FBN1: variants seen among roughly 807,000 people sequenced by gnomAD.
The protein encoded by FBN1 is fibrillin 1.
Under a neutral mutation model 365.1 loss-of-function variants are expected in FBN1, and 29 were observed. The observed-to-expected ratio is 0.08, with a 90% CI of 0.06 to 0.11. The LOEUF (loss-of-function observed/expected upper bound fraction) is 0.11. Among genes scored for constraint, FBN1 ranks in the 10% least tolerant of loss-of-function variants. The pLI, the probability that FBN1 is intolerant of heterozygous loss-of-function variation, is 1.00. For synonymous variants in FBN1, 1,210 were observed against 1,270.5 expected, an observed-to-expected ratio of 0.95 and a Z score of 1.01; for missense variants, 2,476 against 3,703.2, an observed-to-expected ratio of 0.67 and a Z score of 8.60.
chr15:48,482,060 G>A (rs542231574), intron 31 of FBN1, among the ~76,000 whole-genome samples: 220 of 152,238 alleles, frequency 1.4e-3, no homozygotes, highest in African/African-American at 4.9e-3. Flanking sequence ...TTATGTGACA[G>A]TCTAGAAAAC....
intron 65 of FBN1, among the ~76,000 whole-genome samples, chr15:48,412,101 C>T (rs1357239163): frequency 6.6e-6 from 1 of 152,168 alleles, no homozygotes; most frequent in South Asian, 2.1e-4. Context: ...CTGCAGCAGC[C>T]GTAGGCAAAG....
In FBN1 at chr15:48,537,755, G is replaced by T; in HGVS notation, c.592C>A (p.Gln198Lys). Residue 198 changes from glutamine (Q) to lysine (K), a missense_variant, in exon 7 of 66, where the codon CAA becomes AAA. By Grantham distance (53) the Gln-to-Lys change is moderately conservative (BLOSUM62 1). Around this residue, in one of 5 missense-constraint regions of FBN1, gnomAD observed 421 missense variants for 520.1 expected, o/e 0.81. Transcript: ENST00000316623. ...TTTGTGCAGACAATCCCGCTGAGTT[G>T]TCCCTGGCACATCTGGTTGCTGATC... is the stretch of plus-strand genomic sequence containing the variant. Reference protein sequence around the residue: ...TVISNQMCQGQLSGIVCTKTL... With the variant: ...TVISNQMCQGKLSGIVCTKTL... The T allele has an allele frequency of 6.2e-7, 1 of 1,614,194 alleles. No homozygotes were observed. Among genetic ancestry groups the T allele is most frequent in the Non-Finnish European group, 8.5e-7 (1 of 1,180,034 alleles).
chr15:48,448,636 ATCTG>A (rs1460827909), intron 46 of FBN1, 128 bp downstream of exon 46: 5 of 783,846 alleles, frequency 6.4e-6, no homozygotes, highest in Non-Finnish European at 1.0e-5. Flanking sequence ...ACTGCTGCAT[ATCTG>A]TCTGTGTTTT....
chr15:48,456,758 A>G lies in FBN1; in HGVS notation c.5301T>C (p.Ile1767=), dbSNP rs886038796. The G allele has an allele frequency of 6.2e-7, 1 of 1,613,078 alleles. No individual in the cohort carries two copies. Among genetic ancestry groups the G allele is most frequent in the Non-Finnish European group, 8.5e-7 (1 of 1,179,504 alleles). The change falls in exon 44 of 66, where the codon ATT becomes ATC. Residue 1767 remains isoleucine (I), a synonymous_variant. Coordinates refer to ENST00000316623, the MANE Select transcript of FBN1 (RefSeq NM_000138.5). ...CCCCTGGGATCTCCCGGCACTCATC[A>G]ATATCTAGAGACAGAGTAGTCATTC... The part of the protein sequence containing the change: ...IDIYTGLPVD[I]DECREIPGVC...
chr15:48,571,017 A>G (rs1038732439), intron 6 of FBN1, among the ~76,000 whole-genome samples: 2 of 152,232 alleles, frequency 1.3e-5, no homozygotes, highest in Non-Finnish European at 2.9e-5. Flanking sequence ...AGCCCCAGAG[A>G]AAGGCCAAAG....
intron 62 of FBN1, 38 bp downstream of exon 62, chr15:48,421,520 G>A: frequency 6.2e-7 from 1 of 1,606,226 alleles, no homozygotes; most frequent in Non-Finnish European, 8.5e-7. Flanking sequence ...CCTCCACAAG[G>A]ATTCACCAGC....
chr15:48,481,037 T>C lies in FBN1; in HGVS notation c.3964+618A>G, dbSNP rs1337145044. The stretch of plus-strand genomic sequence containing the variant: ...TTCCATTTGGCATTTAATAGGATAG[T>C]CTCCTACAAATATTGTGAAAACATT... On this transcript the variant is annotated intron_variant, in intron 32 of 65. Coordinates refer to ENST00000316623, the MANE Select transcript of FBN1 (RefSeq NM_000138.5). Among the ~76,000 whole-genome samples the C allele has an allele frequency of 3.9e-5, 6 of 152,192 alleles. No homozygotes were observed. In the East Asian group the frequency reaches 1.2e-3, roughly 29 times the overall value.
chr15:48,578,388 A>G (rs1384060603), intron 6 of FBN1, among the ~76,000 whole-genome samples: 1 of 152,192 alleles, frequency 6.6e-6, no homozygotes, highest in Non-Finnish European at 1.5e-5. Flanking sequence ...TGGATCCACT[A>G]GAAGTGTCTG....
In FBN1 at chr15:48,610,729, G is replaced by A; in HGVS notation, c.345C>T (p.Ser115=). The A allele has an allele frequency of 1.2e-6, 2 of 1,609,920 alleles. No individual in the cohort carries two copies. The highest frequency in any genetic ancestry group is 1.7e-6 in the Non-Finnish European group (2 of 1,176,260). Residue 115 remains serine, a splice_region_variant and synonymous_variant, in exon 4 of 66, where the codon TCC becomes TCT. Coordinates refer to ENST00000316623, the MANE Select transcript of FBN1 (RefSeq NM_000138.5). ...TATATAATGACATGTTAGACTTACT[G>A]GATCTGGAGCCACAGGAAGGAGCTA... ...GQIAPSCGSR[S]IQHCNIRCMN...
At chr15:48,509,753 G>A (rs980305741) in intron 14 of FBN1, among the ~76,000 whole-genome samples, 1 of 151,866 alleles carries the variant, frequency 6.6e-6, no homozygotes, top group Admixed American at 6.6e-5. Context: ...TTTAAAAAAT[G>A]TACAAATTCT....
chr15:48,554,271 A>G (rs1048380444), intron 6 of FBN1, among the ~76,000 whole-genome samples: 1 of 152,162 alleles, frequency 6.6e-6, no homozygotes, highest in Non-Finnish European at 1.5e-5. Context: ...TGGTTACTTC[A>G]TGCCTCCCCT....
chr15:48,563,588 C>G (rs1361059747), intron 6 of FBN1, among the ~76,000 whole-genome samples: 1 of 152,160 alleles, frequency 6.6e-6, no homozygotes, highest in African/African-American at 2.4e-5. Flanking sequence ...AGCAATTAAG[C>G]CTTCAAGTGT....
intron 6 of FBN1, 85 bp from the exon 7 acceptor site, chr15:48,537,893 G>T: frequency 7.4e-7 from 1 of 1,353,546 alleles, no homozygotes; most frequent in Non-Finnish European, 1.1e-6. Flanking sequence ...CATCTTGCTT[G>T]ACTCCAAATT....
In FBN1 at chr15:48,410,910, A is replaced by T. The variant is rs1012492700; in HGVS notation, c.*80T>A. ...GGTGAAAGATTGTACCTATGATATG[A>T]TGATTCTGATTGGGGGAAAATATAG... On this transcript the variant is annotated 3_prime_UTR_variant, in exon 66 of 66. Transcript: ENST00000316623. 4.6e-6 allele frequency: 6 copies of T among 1,302,582 alleles called. No individual in the cohort carries two copies. Among genetic ancestry groups the T allele is most frequent in the Non-Finnish European group, 6.5e-6 (6 of 921,978 alleles). The allele number at this position is 1,302,582 out of a possible 1,614,324, so 80.7% of individuals were successfully genotyped here. A position where few individuals can be genotyped will look rare whatever the true frequency, so the allele number is the denominator to read the frequency against.
At chr15:48,449,858 A>C (rs1048180801) in intron 45 of FBN1, among the ~76,000 whole-genome samples, 23 of 152,186 alleles carry the variant, frequency 1.5e-4, no homozygotes, top group African/African-American at 5.6e-4. Flanking sequence ...AGAACACAGT[A>C]ATCATGAATG....
chr15:48,446,969 G>A, intron 46 of FBN1, 147 bp from the exon 47 acceptor site: 1 of 654,792 alleles, frequency 1.5e-6, no homozygotes, highest in Non-Finnish European at 2.8e-6. Flanking sequence ...TCCAGCAGCA[G>A]TCATCCCTGC....
At chr15:48,445,541 C>T in intron 47 of FBN1, 37 bp from the exon 48 acceptor site, 1 of 1,603,448 alleles carries the variant, frequency 6.2e-7, no homozygotes, top group Non-Finnish European at 8.5e-7. Context: ...TAATATATTC[C>T]AAAGATGTCA....
chr15:48,425,948 T>C, intron 58 of FBN1, 84 bp from the exon 59 acceptor site: 1 of 1,076,024 alleles, frequency 9.3e-7, no homozygotes, highest in East Asian at 2.6e-5. Flanking sequence ...GTGTAAATAC[T>C]AATAAATTGT....
chr15:48,644,737 C>T lies in FBN1; in HGVS notation c.33G>A (p.Leu11=), dbSNP rs1164486664. The part of the protein sequence containing the change: MRRGRLLEIA[L]GFTVLLASYT... The stretch of plus-strand genomic sequence containing the variant: ...AGGACGCTAAAAGCACGGTAAATCC[C>T]AGGGCGATCTCCAGCAGACGCCCTC... The change falls in exon 2 of 66, where the codon CTG becomes CTA. Residue 11 remains leucine (L), a synonymous_variant. Transcript: ENST00000316623. 1 of 1,613,708 alleles carries T rather than the reference C, an allele frequency of 6.2e-7. No homozygotes were observed. Among genetic ancestry groups the T allele is most frequent in the Non-Finnish European group, 8.5e-7 (1 of 1,180,024 alleles).
Sources: gnomAD v4.1 joint callset for allele counts (sites outside exome capture counted in the v4.1 genomes callset) on GRCh38, gnomAD v4.1.1 for gene constraint, gnomAD v4.1.1 regional missense constraint, MANE v1.5 for transcripts, NCBI Gene and HGNC (gene_info 2026-07-23, HGNC 2026-07-21) for gene names.